NYAP2: variants seen among roughly 807,000 people sequenced by gnomAD.
NYAP2 encodes neuronal tyrosine-phosphorylated phosphoinositide-3-kinase adapter 2.
Under a neutral mutation model 50.4 loss-of-function variants are expected in NYAP2, and 23 were observed. The observed-to-expected ratio is 0.46, with a 90% CI of 0.33 to 0.65. The LOEUF is 0.65. NYAP2 is among the 30% of genes least tolerant of loss of function. The pLI, the probability that NYAP2 is intolerant of heterozygous loss-of-function variation, is 0.02. For synonymous variants in NYAP2, 394 were observed against 365.2 expected, an observed-to-expected ratio of 1.08 and a Z score of -0.90; for missense variants, 885 against 861.0, an observed-to-expected ratio of 1.03 and a Z score of -0.35.
intron 5 of NYAP2, among the ~76,000 whole-genome samples, chr2:225,587,197 G>T (rs1692403913): frequency 6.6e-6 from 1 of 152,100 alleles, no homozygotes; most frequent in Admixed American, 6.6e-5. Context: ...TTTGGTGGGG[G>T]ACACAGAGCC....
chr2:225,470,048 A>T (rs1689987676), intron 3 of NYAP2, among the ~76,000 whole-genome samples: 1 of 152,136 alleles, frequency 6.6e-6, no homozygotes, highest in Non-Finnish European at 1.5e-5. Context: ...CCTAATAGCT[A>T]ACAGGCCTGT....
intron 3 of NYAP2, among the ~76,000 whole-genome samples, chr2:225,487,690 AT>A (rs1366134024): frequency 6.6e-6 from 1 of 152,158 alleles, no homozygotes; most frequent in East Asian, 1.9e-4. Context: ...TTATTTAGGA[AT>A]TTTGAATTAG....
chr2:225,616,771 A>G (rs965422843), intron 5 of NYAP2, among the ~76,000 whole-genome samples: 1 of 152,112 alleles, frequency 6.6e-6, no homozygotes, highest in African/African-American at 2.4e-5. Flanking sequence ...TCTTACCTTG[A>G]GTGAACTGTT....
intron 3 of NYAP2, among the ~76,000 whole-genome samples, chr2:225,497,044 C>T (rs1228056505): frequency 6.6e-6 from 1 of 151,970 alleles, no homozygotes; most frequent in Non-Finnish European, 1.5e-5. Flanking sequence ...GGCAAATTAA[C>T]ACTGGACGCT....
At chr2:225,576,576 A>C (rs1269045383) in intron 4 of NYAP2, among the ~76,000 whole-genome samples, 1 of 152,236 alleles carries the variant, frequency 6.6e-6, no homozygotes, top group Non-Finnish European at 1.5e-5. Context: ...AGCCAGTTCC[A>C]GTATCACACA....
chr2:225,566,455 A>G (rs571060014), intron 4 of NYAP2, among the ~76,000 whole-genome samples: 2 of 152,308 alleles, frequency 1.3e-5, no homozygotes, highest in South Asian at 4.1e-4. Context: ...TGACTGCCCC[A>G]AGGACAGGAG....
chr2:225,554,251 CTATT>C (rs138153282), intron 4 of NYAP2, among the ~76,000 whole-genome samples: 9,387 of 145,000 alleles, frequency 0.065, 979 homozygotes, highest in African/African-American at 0.22. Flanking sequence ...TTAGTATAAA[CTATT>C]TATTTGTATT....
At chr2:225,522,708 T>C (rs1341113860) in intron 4 of NYAP2, among the ~76,000 whole-genome samples, 1 of 152,128 alleles carries the variant, frequency 6.6e-6, no homozygotes, top group African/African-American at 2.4e-5. Flanking sequence ...TCTTGTTGCT[T>C]ACAAACAGTT....
intron 4 of NYAP2, among the ~76,000 whole-genome samples, chr2:225,542,017 G>T (rs1044114681): frequency 6.6e-6 from 1 of 151,688 alleles, no homozygotes; most frequent in African/African-American, 2.4e-5. Context: ...TTAATTCCTA[G>T]GTATTTTATT....
chr2:225,632,765 A>T (rs1693344740), intron 6 of NYAP2, among the ~76,000 whole-genome samples: 1 of 152,166 alleles, frequency 6.6e-6, no homozygotes, highest in Non-Finnish European at 1.5e-5. Flanking sequence ...CCATTAACAA[A>T]TAGTTTCCAC....
intron 6 of NYAP2, among the ~76,000 whole-genome samples, chr2:225,638,300 A>G (rs1397472703): frequency 6.6e-6 from 1 of 151,882 alleles, no homozygotes; most frequent in African/African-American, 2.4e-5. Context: ...GGAAAGTCAA[A>G]TGAGAGAGAC....
chr2:225,665,036 G>C, the NYAP2 span, among the ~76,000 whole-genome samples: 2 of 152,140 alleles, frequency 1.3e-5, no homozygotes, highest in African/African-American at 4.8e-5. Flanking sequence ...TATAGTCTCT[G>C]AGAACAGAAG....
intron 3 of NYAP2, among the ~76,000 whole-genome samples, chr2:225,460,043 G>T (rs1186832888): frequency 6.6e-6 from 1 of 152,148 alleles, no homozygotes; most frequent in Non-Finnish European, 1.5e-5. Flanking sequence ...ACTAGCAATT[G>T]AGGTAGGTTA....
chr2:225,538,669 C>T (rs991190231), intron 4 of NYAP2, among the ~76,000 whole-genome samples: 3 of 152,168 alleles, frequency 2.0e-5, no homozygotes, highest in African/African-American at 7.2e-5. Context: ...ACATTTTCCC[C>T]ATTGTCTTGG....
intron 4 of NYAP2, among the ~76,000 whole-genome samples, chr2:225,577,708 G>A (rs1363119962): frequency 6.6e-6 from 1 of 151,732 alleles, no homozygotes; most frequent in Non-Finnish European, 1.5e-5. Context: ...TTCCTCCTCT[G>A]ACTTACCTCA....
chr2:225,526,806 T>A (rs1365030283), intron 4 of NYAP2, among the ~76,000 whole-genome samples: 2 of 152,158 alleles, frequency 1.3e-5, no homozygotes, highest in African/African-American at 4.8e-5. Flanking sequence ...TTGGATAGTG[T>A]TCTAATGTGT....
intron 3 of NYAP2, among the ~76,000 whole-genome samples, chr2:225,443,208 G>A (rs1243271528): frequency 6.6e-6 from 1 of 152,132 alleles, no homozygotes; most frequent in Non-Finnish European, 1.5e-5. Flanking sequence ...AATATTTAAT[G>A]CCAATTATAA....
At chr2:225,616,010 G>T (rs1692983152) in intron 5 of NYAP2, among the ~76,000 whole-genome samples, 1 of 152,162 alleles carries the variant, frequency 6.6e-6, no homozygotes, top group South Asian at 2.1e-4. Flanking sequence ...TGCTGTTTGT[G>T]CGATCTTGGG....
At chr2:225,561,900 T>C (rs2106216248) in intron 4 of NYAP2, among the ~76,000 whole-genome samples, 1 of 152,266 alleles carries the variant, frequency 6.6e-6, no homozygotes, top group East Asian at 1.9e-4. Context: ...TATTTTTTTT[T>C]TCATGTTTGC....
Sources: gnomAD v4.1 joint callset for allele counts (sites outside exome capture counted in the v4.1 genomes callset) on GRCh38, gnomAD v4.1.1 for gene constraint, MANE v1.5 for transcripts, NCBI Gene and HGNC (gene_info 2026-07-23, HGNC 2026-07-21) for gene names.